USP15: variants seen among roughly 807,000 people sequenced by gnomAD.
USP15 encodes ubiquitin specific peptidase 15, also known as ubiquitin carboxyl-terminal hydrolase 15.
A neutral mutation model predicts 127.1 loss-of-function variants in USP15; 18 were observed. The observed-to-expected ratio is 0.14, with a 90% confidence interval of 0.10 to 0.21. The LOEUF (loss-of-function observed/expected upper bound fraction) is 0.21. USP15 is among the 10% of genes least tolerant of loss of function. USP15 has a pLI of 1.00. For synonymous variants in USP15, 364 were observed against 393.7 expected, an observed-to-expected ratio of 0.92 and a Z score of 0.89; for missense variants, 805 against 1,159.9, an observed-to-expected ratio of 0.69 and a Z score of 4.44.
chr12:62,303,041 C>A, intron 3 of USP15, 121 bp downstream of exon 3: 2 of 1,139,888 alleles, frequency 1.8e-6, no homozygotes, highest in Non-Finnish European at 2.5e-6. Flanking sequence ...AGCAAAATAA[C>A]CGTACACTGT....
At position 62,350,787 on chromosome 12, in the gene USP15, TA is replaced by T. The variant is rs2065946148; in HGVS notation, c.770+1482del. On this transcript the variant is annotated intron_variant, in intron 7 of 21. Coordinates refer to ENST00000280377, the MANE Select transcript of USP15 (RefSeq NM_001252078.2). ...TACAGCACACGCCACTACACCCTGC[TA>T]ATTTTCTTTTTATTATTTTCATAGA... 2.0e-5 allele frequency among the ~76,000 whole-genome samples: 3 copies of T among 152,158 alleles called. No individual in the cohort carries two copies. In the South Asian group the frequency reaches 6.2e-4, roughly 32 times the overall value.
chr12:62,336,067 A>C, intron 6 of USP15: 2 of 985,236 alleles, frequency 2.0e-6, no homozygotes, highest in Non-Finnish European at 2.4e-6. Flanking sequence ...GTGCAGCTTC[A>C]CTAACTGTTT....
intron 7 of USP15, among the ~76,000 whole-genome samples, chr12:62,349,582 C>A (rs1479957823): frequency 6.6e-6 from 1 of 151,906 alleles, no homozygotes; most frequent in Non-Finnish European, 1.5e-5. Context: ...TAGAACACAA[C>A]TTTTTAGGAA....
At chr12:62,285,419 G>T (rs1011144105) in intron 1 of USP15, among the ~76,000 whole-genome samples, 1 of 152,108 alleles carries the variant, frequency 6.6e-6, no homozygotes, top group African/African-American at 2.4e-5. Context: ...CAAAAAACAT[G>T]GCTTCCTTCT....
intron 6 of USP15, among the ~76,000 whole-genome samples, chr12:62,332,697 T>C (rs934584231): frequency 1.3e-5 from 2 of 152,136 alleles, no homozygotes; most frequent in African/African-American, 4.8e-5. Context: ...CAGAGAAAAA[T>C]GTACTATCGT....
rs2067080412 is a variant in USP15 at position 62,384,361 on chromosome 12, T to C, written c.1473+59T>C. 6.1e-6 allele frequency: 8 copies of C among 1,309,172 alleles called. No individual in the cohort carries two copies. The East Asian group carries it at 2.0e-4, about 33-fold the overall frequency. 81.1% of individuals were successfully genotyped at this position (1,309,172 alleles called of 1,614,324 possible). Reference sequence around the variant, plus strand: ...TTTTTTTTTTTGCATTTGTTATTTTTATTAAAAAATTAGTGTTGAGTCCTT... The same window carrying C: ...TTTTTTTTTTTGCATTTGTTATTTTCATTAAAAAATTAGTGTTGAGTCCTT... On this transcript the variant is annotated intron_variant, in intron 11 of 21. Transcript: ENST00000280377.
At chr12:62,335,812 T>C in intron 6 of USP15, 1 of 985,440 alleles carries the variant, frequency 1.0e-6, no homozygotes, top group Non-Finnish European at 1.2e-6. Flanking sequence ...TCTTTTAACC[T>C]AGTTTATTTG....
intron 1 of USP15, among the ~76,000 whole-genome samples, chr12:62,288,668 TC>T (rs1463311767): frequency 6.6e-6 from 1 of 152,154 alleles, no homozygotes; most frequent in Non-Finnish European, 1.5e-5. Flanking sequence ...TTTGTCTTGT[TC>T]CCATTTTTAG....
At chr12:62,357,036 G>T (rs2066152508) in intron 8 of USP15, among the ~76,000 whole-genome samples, 1 of 151,946 alleles carries the variant, frequency 6.6e-6, no homozygotes, top group South Asian at 2.1e-4. Context: ...CCAGATGCTT[G>T]ATATCAGCTA....
intron 9 of USP15, 30 bp downstream of exon 9, chr12:62,381,693 G>A (rs768279130): frequency 1.9e-6 from 3 of 1,590,120 alleles, no homozygotes; most frequent in African/African-American, 1.3e-5. Flanking sequence ...TTTAGCAAGG[G>A]TACCTGCAAG....
At position 62,389,714 on chromosome 12, in the gene USP15, CAT is replaced by C. The variant is rs1565908385; in HGVS notation, c.1652+16_1652+17del. ...GATATTTATGTGTAAGTATAAAACT[CAT>C]TGTGCAAAATATTACTTGAAAAAAA... is the stretch of plus-strand genomic sequence containing the variant. On this transcript the variant is annotated intron_variant, in intron 13 of 21. Coordinates refer to ENST00000280377, the MANE Select transcript of USP15 (RefSeq NM_001252078.2). 1 of 1,602,364 alleles carries C rather than the reference CAT, an allele frequency of 6.2e-7. No homozygotes were observed. The highest frequency in any genetic ancestry group is 1.7e-5 in the Admixed American group (1 of 58,224).
Position 62,276,836 on chromosome 12 carries a change from TAA to T in USP15, c.89+16335_89+16336del, listed in dbSNP as rs754192492. ...TAAAAAATAAATACAAAAGATCATATAAAGTTATGAATTTTTTCAGAAATAAA... is the reference window on the plus strand; with the variant it reads ...TAAAAAATAAATACAAAAGATCATATAGTTATGAATTTTTTCAGAAATAAA... On this transcript the variant is annotated intron_variant, in intron 1 of 21. Transcript: ENST00000280377. 2.6e-5 allele frequency among the ~76,000 whole-genome samples: 4 copies of T among 152,116 alleles called. No homozygotes were observed. In the East Asian group the frequency reaches 7.7e-4, roughly 29 times the overall value.
chr12:62,359,238 G>GAAAAAAAAAAAAAAAAAGAAAAA (rs2066236874), intron 8 of USP15, among the ~76,000 whole-genome samples: 1 of 81,972 alleles, frequency 1.2e-5, no homozygotes, highest in Non-Finnish European at 2.6e-5. Context: ...AGTCTGGCTT[G>GAAAAAAAAAAAAAAAAAGAAAAA]AAAAAAAAAA....
At chr12:62,319,289 C>T (rs77245905) in intron 4 of USP15, among the ~76,000 whole-genome samples, 3,163 of 152,260 alleles carry the variant, frequency 0.021, 104 homozygotes, top group African/African-American at 0.073. Context: ...CCCCATGATC[C>T]AGTCATCTCC....
intron 8 of USP15, among the ~76,000 whole-genome samples, chr12:62,378,467 T>G (rs2137555125): frequency 6.6e-6 from 1 of 152,320 alleles, no homozygotes; most frequent in Non-Finnish European, 1.5e-5. Flanking sequence ...TAGGACTAAA[T>G]AGCTTAAATT....
intron 20 of USP15, among the ~76,000 whole-genome samples, chr12:62,398,988 ATTTGACATTC>A: frequency 6.6e-6 from 1 of 152,114 alleles, no homozygotes; most frequent in Non-Finnish European, 1.5e-5. Context: ...TAACACCAGG[ATTTGACATTC>A]TTTGCCCCTT....
chr12:62,360,329 C>G (rs1565885584), intron 8 of USP15, among the ~76,000 whole-genome samples: 2 of 151,640 alleles, frequency 1.3e-5, no homozygotes, highest in African/African-American at 2.4e-5. Flanking sequence ...TTAAGGTCAG[C>G]TTTTTTTTCT....
At chr12:62,344,582 C>T (rs2065753046) in intron 6 of USP15, among the ~76,000 whole-genome samples, 2 of 152,216 alleles carry the variant, frequency 1.3e-5, no homozygotes, top group Non-Finnish European at 1.5e-5. Context: ...CTTCTCACAG[C>T]TCCAGTAGGT....
chr12:62,391,365 T>G lies in USP15; in HGVS notation c.2169T>G (p.Asp723Glu). The G allele has an allele frequency of 6.2e-7, 1 of 1,613,208 alleles. No homozygotes were observed. Among genetic ancestry groups the G allele is most frequent in the Non-Finnish European group, 8.5e-7 (1 of 1,179,574 alleles). Reference sequence around the variant, plus strand: ...AGTTCAACAACTTAGGCAATACTGATATCAACTACATCAAAGATGATACCA... The same window carrying G: ...AGTTCAACAACTTAGGCAATACTGAGATCAACTACATCAAAGATGATACCA... ...TFQFNNLGNT[D>E]INYIKDDTRH... Residue 723 changes from aspartate to glutamate, a missense_variant, in exon 16 of 22, where the codon GAT (aspartate) becomes GAG (glutamate). Coordinates refer to ENST00000280377, the MANE Select transcript of USP15 (RefSeq NM_001252078.2).
Sources: gnomAD v4.1 joint callset for allele counts (sites outside exome capture counted in the v4.1 genomes callset) on GRCh38, gnomAD v4.1.1 for gene constraint, MANE v1.5 for transcripts, NCBI Gene and HGNC (gene_info 2026-07-23, HGNC 2026-07-21) for gene names.